Variants in PIP4K2A observed in about 807,000 individuals in gnomAD.
PIP4K2A encodes the protein phosphatidylinositol-5-phosphate 4-kinase type 2 alpha, also known as phosphatidylinositol 5-phosphate 4-kinase type-2 alpha.
In PIP4K2A, 14 loss-of-function variants were observed where a neutral mutation model predicts 42.9. That is an observed-to-expected ratio of 0.33 (90% CI 0.22 to 0.51). The LOEUF is 0.51. Among genes scored for constraint, PIP4K2A ranks in the 20% least tolerant of loss-of-function variants. The pLI is 0.97. For missense variants in PIP4K2A, 434 were observed against 519.8 expected (o/e 0.83, Z 1.61); for synonymous variants, 192 against 192.2 (o/e 1.00, Z 0.01).
chr10:22,666,870 T>G (rs1171067793), intron 1 of PIP4K2A, among the ~76,000 whole-genome samples: 1 of 152,192 alleles, frequency 6.6e-6, no homozygotes, highest in Non-Finnish European at 1.5e-5. Flanking sequence ...CAATATAGCA[T>G]CAGAACAACC....
chr10:22,568,928 C>G lies in PIP4K2A; in HGVS notation c.640-1039G>C. 12 of 1,090,282 alleles carry G rather than the reference C, an allele frequency of 1.1e-5. No individual in the cohort carries two copies. The South Asian group carries it at 1.6e-4, about 15-fold the overall frequency. The allele number at this position is 1,090,282 out of a possible 1,614,324, so 67.5% of individuals were successfully genotyped here. On this transcript the variant is annotated intron_variant, in intron 5 of 9. Coordinates refer to ENST00000376573, the MANE Select transcript of PIP4K2A (RefSeq NM_005028.5). ...CACCCCTAACTATCGTGAGGTCAGC[C>G]AAGCCACTTGCTTCTTTACCACCTG...
intron 1 of PIP4K2A, among the ~76,000 whole-genome samples, chr10:22,669,777 G>T (rs191858066): frequency 6.6e-6 from 1 of 152,162 alleles, no homozygotes; most frequent in East Asian, 1.9e-4. Flanking sequence ...TTTACCAACC[G>T]TTTTTTGCTA....
intron 6 of PIP4K2A, among the ~76,000 whole-genome samples, chr10:22,553,539 C>T (rs187105966): frequency 5.3e-5 from 8 of 152,312 alleles, no homozygotes; most frequent in African/African-American, 1.7e-4. Flanking sequence ...CTATTATTCA[C>T]GTTTTACATT....
At chr10:22,618,134 C>T (rs1452902972) in intron 1 of PIP4K2A, among the ~76,000 whole-genome samples, 2 of 152,156 alleles carry the variant, frequency 1.3e-5, no homozygotes, top group African/African-American at 2.4e-5. Flanking sequence ...CAAATGGATG[C>T]TCGCTAGGTT....
At position 22,664,094 on chromosome 10, in the gene PIP4K2A, TATATATATAC is replaced by T. The variant is rs1564459899; in HGVS notation, c.144+50079_144+50088del. 6.8e-3 allele frequency among the ~76,000 whole-genome samples: 577 copies of T among 85,038 alleles called. 43 individuals are homozygous for T. Among genetic ancestry groups the T allele is most frequent in the African/African-American group, 0.047 (543 of 11,598 alleles). The allele number at this position is 85,038 out of a possible 152,430, so 55.8% of individuals were successfully genotyped here. ...ATATATACGTATATATATATACATA[TATATATATAC>T]ATATATATATACATATATATATATA... On this transcript the variant is annotated intron_variant, in intron 1 of 9. Transcript: ENST00000376573.
intron 9 of PIP4K2A, among the ~76,000 whole-genome samples, chr10:22,538,477 C>T (rs1486740725): frequency 6.6e-6 from 1 of 152,180 alleles, no homozygotes; most frequent in African/African-American, 2.4e-5. Flanking sequence ...TGGCAAAACC[C>T]CATCAGCAAG....
intron 1 of PIP4K2A, among the ~76,000 whole-genome samples, chr10:22,627,649 G>A (rs887618796): frequency 1.8e-4 from 24 of 132,188 alleles, no homozygotes; most frequent in African/African-American, 5.4e-4. Flanking sequence ...AAAGCCACTG[G>A]CTGTGGCTTT....
intron 6 of PIP4K2A, among the ~76,000 whole-genome samples, chr10:22,559,924 G>C (rs1009770894): frequency 2.0e-5 from 3 of 152,084 alleles, no homozygotes; most frequent in Admixed American, 2.0e-4. Context: ...GTGCCCCCAG[G>C]GCTGGGACTC....
intron 1 of PIP4K2A, among the ~76,000 whole-genome samples, chr10:22,704,408 T>C (rs1588717051): frequency 6.6e-6 from 1 of 151,658 alleles, no homozygotes; most frequent in African/African-American, 2.4e-5. Context: ...GTTAAGGAGA[T>C]CATCGCAGGT....
intron 1 of PIP4K2A, chr10:22,694,245 T>A (rs563100891): frequency 1.3e-5 from 2 of 152,276 alleles, no homozygotes; most frequent in African/African-American, 4.8e-5. Context: ...TACTTACACT[T>A]AATTTTACCT....
intron 1 of PIP4K2A, among the ~76,000 whole-genome samples, chr10:22,683,183 G>A (rs1345048955): frequency 1.3e-5 from 2 of 152,266 alleles, no homozygotes; most frequent in East Asian, 3.9e-4. Context: ...AGCCTCTCTA[G>A]CAAGGGCAGC....
chr10:22,573,258 T>C, intron 5 of PIP4K2A, 53 bp downstream of exon 5: 5 of 1,503,908 alleles, frequency 3.3e-6, no homozygotes, highest in Non-Finnish European at 4.6e-6. Flanking sequence ...ACATTTACAA[T>C]GTAGAAGAGT....
intron 1 of PIP4K2A, among the ~76,000 whole-genome samples, chr10:22,680,622 C>T (rs982157030): frequency 2.6e-5 from 4 of 152,138 alleles, no homozygotes; most frequent in Non-Finnish European, 5.9e-5. Context: ...AAAAACACCC[C>T]AAAACTTCAT....
At chr10:22,538,087 G>A (rs561981893) in intron 9 of PIP4K2A, among the ~76,000 whole-genome samples, 1 of 152,356 alleles carries the variant, frequency 6.6e-6, no homozygotes, top group East Asian at 1.9e-4. Context: ...CAAAGGGCAA[G>A]CACGGAGTTT....
At chr10:22,576,728 T>C (rs996552738) in intron 4 of PIP4K2A, among the ~76,000 whole-genome samples, 1 of 152,206 alleles carries the variant, frequency 6.6e-6, no homozygotes, top group Non-Finnish European at 1.5e-5. Context: ...ATCTATCTTT[T>C]GAACCTTTTC....
chr10:22,634,344 G>A (rs1175700694), intron 1 of PIP4K2A, among the ~76,000 whole-genome samples: 1 of 152,122 alleles, frequency 6.6e-6, no homozygotes, highest in Non-Finnish European at 1.5e-5. Flanking sequence ...CCTTTCCTAT[G>A]GTACTTCTTG....
intron 7 of PIP4K2A, among the ~76,000 whole-genome samples, chr10:22,548,896 AT>A (rs983906825): frequency 2.7e-5 from 4 of 146,336 alleles, no homozygotes; most frequent in Admixed American, 2.1e-4. Context: ...AAAAAAAAAA[AT>A]TCAAAAATTA....
At chr10:22,688,458 T>C (rs1193828867) in intron 1 of PIP4K2A, among the ~76,000 whole-genome samples, 3 of 152,206 alleles carry the variant, frequency 2.0e-5, no homozygotes, top group Non-Finnish European at 4.4e-5. Flanking sequence ...CATGAAATAC[T>C]GATTGACTGA....
chr10:22,655,891 T>C (rs1839090608), intron 1 of PIP4K2A, among the ~76,000 whole-genome samples: 2 of 152,092 alleles, frequency 1.3e-5, no homozygotes, highest in Admixed American at 1.3e-4. Flanking sequence ...GTGCTGGGTG[T>C]GTTGTGTAGT....
Sources: gnomAD v4.1 joint callset for allele counts (sites outside exome capture counted in the v4.1 genomes callset) on GRCh38, gnomAD v4.1.1 for gene constraint, MANE v1.5 for transcripts, NCBI Gene and HGNC (gene_info 2026-07-23, HGNC 2026-07-21) for gene names.